Variants in DMD observed in about 807,000 individuals in gnomAD.
DMD encodes dystrophin, also known as mutant dystrophin.
DMD carries 63 observed loss-of-function variants against 330.1 expected under a neutral mutation model. The ratio of observed to expected loss-of-function variants is 0.19; its 90% CI spans 0.16 to 0.24. The LOEUF (loss-of-function observed/expected upper bound fraction) is 0.24, where lower values mean the gene tolerates loss of function less well. Among genes scored for constraint, DMD ranks in the 10% least tolerant of loss-of-function variants. The pLI is 1.00. For synonymous variants in DMD, 1,223 were observed against 959.8 expected (o/e 1.27, Z -5.07); for missense variants, 3,344 against 2,684.1 (o/e 1.25, Z -5.43).
At chrX:31,202,659 A>G (rs2043607802) in intron 67 of DMD, among the ~76,000 whole-genome samples, 1 of 112,186 alleles carries the variant, frequency 8.9e-6, no homozygotes, top group Non-Finnish European at 1.9e-5. Context: ...TAACCCAGTT[A>G]GTTCTACAGC....
At chrX:31,259,897 T>G (rs1742997557) in intron 63 of DMD, among the ~76,000 whole-genome samples, 1 of 110,813 alleles carries the variant, frequency 9.0e-6, no homozygotes, top group African/African-American at 3.3e-5. Flanking sequence ...ATTCCCACAG[T>G]GTTCATCACA....
chrX:32,699,330 T>G (rs775491938), intron 7 of DMD, 37 bp from the exon 8 acceptor site: 2 of 1,106,648 alleles, frequency 1.8e-6, no homozygotes, highest in South Asian at 1.8e-5. Flanking sequence ...AATTTTTGGT[T>G]TCTATATTTG....
At position 32,348,397 on chromosome X, in the gene DMD, C is replaced by T. The variant is rs771389805; in HGVS notation, c.5448+9G>A. The T allele has an allele frequency of 4.2e-6, 5 of 1,204,284 alleles. No homozygotes were observed. The highest frequency in any genetic ancestry group is 4.4e-5 in the Admixed American group (2 of 45,501). ...TAGTTCATTCACACTTTTATCACAACCAATTTACCATATCTTTATTGAAGT... is the reference window on the plus strand; with the variant it reads ...TAGTTCATTCACACTTTTATCACAATCAATTTACCATATCTTTATTGAAGT... On this transcript the variant is annotated intron_variant, in intron 38 of 78. Transcript: ENST00000357033.
chrX:33,079,555 C>A (rs966498031), intron 1 of DMD, among the ~76,000 whole-genome samples: 1 of 111,408 alleles, frequency 9.0e-6, no homozygotes, highest in African/African-American at 3.3e-5. Flanking sequence ...ATATAGCCCC[C>A]AAAAAGCCAA....
At chrX:31,799,323 G>T in intron 50 of DMD, among the ~76,000 whole-genome samples, 1 of 111,590 alleles carries the variant, frequency 9.0e-6, no homozygotes, top group Admixed American at 9.5e-5. Context: ...GCATGGCTGG[G>T]GAGGCCTCAG....
chrX:32,566,019 T>C, intron 15 of DMD, 138 bp from the exon 16 acceptor site: 2 of 542,400 alleles, frequency 3.7e-6, no homozygotes. Flanking sequence ...GGATCAAAAG[T>C]TCAGAAAAAT....
At chrX:31,637,399 A>C (rs2079479015) in intron 54 of DMD, among the ~76,000 whole-genome samples, 1 of 112,053 alleles carries the variant, frequency 8.9e-6, no homozygotes, top group Non-Finnish European at 1.9e-5. Context: ...TATAAAGAAC[A>C]GTCATAATTT....
At chrX:32,490,657 G>C (rs1433469913) in intron 20 of DMD, among the ~76,000 whole-genome samples, 2 of 111,404 alleles carry the variant, frequency 1.8e-5, no homozygotes, top group African/African-American at 6.5e-5. Flanking sequence ...GGATCTGACT[G>C]TCTCCTTCTG....
rs1003951798 is a variant in DMD at position 31,134,975 on chromosome X, G to C, written c.10922-781C>G. ...AGCCGAGGTGGGAGGATTGTTTGCT[G>C]CCAGGAATTTGAGAGCAGCTTGGGC... On this transcript the variant is annotated intron_variant, in intron 76 of 78. Transcript: ENST00000357033. Among the ~76,000 whole-genome samples the C allele has an allele frequency of 6.3e-5, 7 of 111,425 alleles. No homozygotes were observed. The Admixed American group carries it at 6.7e-4, about 11-fold the overall frequency.
chrX:32,924,157 G>A (rs1019161029), intron 2 of DMD, among the ~76,000 whole-genome samples: 1 of 111,258 alleles, frequency 9.0e-6, no homozygotes, highest in Non-Finnish European at 1.9e-5. Flanking sequence ...AAATGGCTAC[G>A]GCATCTGGAT....
chrX:32,250,972 G>A (rs1481088841), intron 43 of DMD, among the ~76,000 whole-genome samples: 2 of 109,337 alleles, frequency 1.8e-5, no homozygotes, highest in African/African-American at 3.3e-5. Flanking sequence ...GGACTCACTC[G>A]TAAGTGGGAG....
At chrX:32,471,160 C>G (rs888847312) in intron 22 of DMD, among the ~76,000 whole-genome samples, 9 of 110,868 alleles carry the variant, frequency 8.1e-5, no homozygotes, top group African/African-American at 2.3e-4. Flanking sequence ...GCACTATAAT[C>G]CCAGCTACTC....
intron 2 of DMD, among the ~76,000 whole-genome samples, chrX:32,945,448 C>A (rs936241078): frequency 9.0e-6 from 1 of 111,266 alleles, no homozygotes; most frequent in African/African-American, 3.3e-5. Context: ...ACAATATCAT[C>A]TATTAATATG....
chrX:32,787,213 AGTGTGTGTGTGT>A lies in DMD; in HGVS notation c.649+22268_649+22279del, dbSNP rs72078806. Reference sequence around the variant, plus strand: ...CAACTGTGAATCAATCTCTCTGTCAAGTGTGTGTGTGTGTGTGTGTGTGTGTGTGTGTGTGAG... The same window carrying A: ...CAACTGTGAATCAATCTCTCTGTCAAGTGTGTGTGTGTGTGTGTGTGTGAG... On this transcript the variant is annotated intron_variant, in intron 7 of 78. Coordinates refer to ENST00000357033, the MANE Select transcript of DMD (RefSeq NM_004006.3). Among the ~76,000 whole-genome samples the A allele has an allele frequency of 1.9e-4, 16 of 83,377 alleles. 1 individual carries two copies. Among genetic ancestry groups the A allele is most frequent in the African/African-American group, 5.5e-4 (12 of 21,842 alleles). The allele number at this position is 83,377 out of a possible 115,157, so 72.4% of individuals were successfully genotyped here. A position where few individuals can be genotyped will look rare whatever the true frequency, so the allele number is the denominator to read the frequency against.
At position 31,997,418 on chromosome X, in the gene DMD, AT is replaced by A. The variant is rs1408471228; in HGVS notation, c.6439-28905del. ...CTGCAGGTGGGAACTAGGCATCTCT[AT>A]TTTTTTTTGTTTTTTGTTTTTTTAG... is the stretch of plus-strand genomic sequence containing the variant. On this transcript the variant is annotated intron_variant, in intron 44 of 78. Coordinates refer to ENST00000357033, the MANE Select transcript of DMD (RefSeq NM_004006.3). Among the ~76,000 whole-genome samples the A allele has an allele frequency of 1.2e-4, 11 of 89,747 alleles. No individual in the cohort carries two copies. The East Asian group carries it at 1.8e-3, about 15-fold the overall frequency. The allele number at this position is 89,747 out of a possible 115,157, so 77.9% of individuals were successfully genotyped here. A position where few individuals can be genotyped will look rare whatever the true frequency, so the allele number is the denominator to read the frequency against.
intron 43 of DMD, among the ~76,000 whole-genome samples, chrX:32,261,718 C>T (rs1209474148): frequency 2.7e-5 from 3 of 111,418 alleles, no homozygotes; most frequent in African/African-American, 6.5e-5. Context: ...ATGGCTGGCC[C>T]GAGAAAATGG....
intron 1 of DMD, among the ~76,000 whole-genome samples, chrX:33,058,820 A>G (rs1424640890): frequency 8.9e-6 from 1 of 111,785 alleles, no homozygotes; most frequent in Non-Finnish European, 1.9e-5. Flanking sequence ...AAATTCTTTG[A>G]TTACTAATGA....
chrX:32,155,014 GAGAAGCTCAAAGAC>G, intron 44 of DMD, among the ~76,000 whole-genome samples: 1 of 110,445 alleles, frequency 9.1e-6, no homozygotes, highest in Admixed American at 9.6e-5. Context: ...TGGACGAACA[GAGAAGCTCAAAGAC>G]CTTACAGATT....
At chrX:31,599,367 A>T (rs1569553720) in intron 55 of DMD, among the ~76,000 whole-genome samples, 1 of 112,295 alleles carries the variant, frequency 8.9e-6, no homozygotes, top group Non-Finnish European at 1.9e-5. Flanking sequence ...CCAAAGAATT[A>T]GAAGTTCATT....
Sources: allele counts gnomAD v4.1 joint callset (sites outside exome capture counted in the v4.1 genomes callset), GRCh38; gene constraint gnomAD v4.1.1; transcripts MANE v1.5; gene names NCBI Gene and HGNC (gene_info 2026-07-23, HGNC 2026-07-21).